The following SLAMF6 variants were observed in gnomAD, a reference collection of about 807,000 sequenced individuals.
SLAMF6 encodes SLAM family member 6.
A neutral mutation model predicts 38.3 loss-of-function variants in SLAMF6; 21 were observed. That is an observed-to-expected ratio of 0.55 (90% CI 0.39 to 0.79). The LOEUF is 0.79. SLAMF6 is among the 30% of genes least tolerant of loss of function. SLAMF6 has a pLI of 0.00. For missense variants in SLAMF6, 341 were observed against 385.3 expected (o/e 0.89, Z 0.96); for synonymous variants, 152 against 146.3 (o/e 1.04, Z -0.28).
intron 1 of SLAMF6, among the ~76,000 whole-genome samples, chr1:160,514,751 G>A (rs1261933073): frequency 6.6e-6 from 1 of 152,178 alleles, no homozygotes; most frequent in East Asian, 1.9e-4. Context: ...GCTCCTGCAT[G>A]ACTCCTGGTT....
chr1:160,502,654 G>C (rs1653973274), intron 1 of SLAMF6, among the ~76,000 whole-genome samples: 4 of 152,174 alleles, frequency 2.6e-5, no homozygotes, highest in Admixed American at 6.5e-5. Context: ...AGTATAAAGA[G>C]AGCAGTGTCT....
intron 1 of SLAMF6, among the ~76,000 whole-genome samples, chr1:160,503,810 G>A (rs1283970171): frequency 6.6e-6 from 1 of 151,968 alleles, no homozygotes; most frequent in Non-Finnish European, 1.5e-5. Context: ...CAAAAAAAGA[G>A]GCAACTTAAA....
intron 1 of SLAMF6, among the ~76,000 whole-genome samples, chr1:160,503,677 C>T (rs906547994): frequency 1.3e-5 from 2 of 151,976 alleles, no homozygotes; most frequent in Admixed American, 1.3e-4. Context: ...AGGGTCCATC[C>T]CTCCACAAAA....
rs1420330576 is a variant in SLAMF6 at position 160,490,295 on chromosome 1, C to T, written c.758-59G>A. On this transcript the variant is annotated intron_variant, in intron 4 of 7. Coordinates refer to ENST00000368057, the MANE Select transcript of SLAMF6 (RefSeq NM_001184714.2). ...ACAGCAGTGGGAGAGGCATTTCACC[C>T]CTAACCCCGTGAGTGTTGGGATGTG... 6 of 1,610,692 alleles carry T rather than the reference C, an allele frequency of 3.7e-6. No individual in the cohort carries two copies. In the African/African-American group the frequency reaches 5.3e-5, roughly 14 times the overall value.
intron 2 of SLAMF6, among the ~76,000 whole-genome samples, chr1:160,492,204 G>C (rs1653340164): frequency 6.6e-6 from 1 of 152,152 alleles, no homozygotes; most frequent in African/African-American, 2.4e-5. Context: ...ACTTAGCCTT[G>C]GCCTGAGGTT....
At chr1:160,490,789 A>T in intron 3 of SLAMF6, 104 bp from the exon 4 acceptor site, 1 of 1,490,848 alleles carries the variant, frequency 6.7e-7, no homozygotes, top group Non-Finnish European at 8.9e-7. Context: ...GGGACTAGGT[A>T]AGTTTGTCTA....
intron 6 of SLAMF6, 44 bp downstream of exon 6, chr1:160,489,044 C>G: frequency 1.3e-6 from 2 of 1,524,582 alleles, no homozygotes; most frequent in Non-Finnish European, 1.8e-6. Context: ...TGAACAATGG[C>G]TGTAAAACTG....
rs766924241 is a variant in SLAMF6, at chr1:160,486,778, G to C, written c.952-24C>G. Reference sequence around the variant, plus strand: ...CTCTGTGGGAAAAAGAGGAAGATGAGGTAGGTTAATTGGAACTGGAACCTC... The same window carrying C: ...CTCTGTGGGAAAAAGAGGAAGATGACGTAGGTTAATTGGAACTGGAACCTC... On this transcript the variant is annotated intron_variant, in intron 7 of 7. Transcript: ENST00000368057. 3 of 1,613,712 alleles carry C rather than the reference G, an allele frequency of 1.9e-6. No homozygotes were observed. In the Admixed American group the frequency reaches 5.0e-5, roughly 27 times the overall value.
At chr1:160,495,037 C>A (rs1287426578) in intron 2 of SLAMF6, among the ~76,000 whole-genome samples, 2 of 152,160 alleles carry the variant, frequency 1.3e-5, no homozygotes, top group African/African-American at 2.4e-5. Flanking sequence ...TCTTCAAGAA[C>A]ATGATTTTGA....
chr1:160,512,766 T>C (rs1181040361), intron 1 of SLAMF6, among the ~76,000 whole-genome samples: 3 of 152,034 alleles, frequency 2.0e-5, no homozygotes, highest in African/African-American at 7.3e-5. Context: ...GCAGCAGTCT[T>C]GCAAAAGAGG....
At chr1:160,510,617 C>A (rs1654423936) in intron 1 of SLAMF6, among the ~76,000 whole-genome samples, 1 of 151,910 alleles carries the variant, frequency 6.6e-6, no homozygotes, top group Admixed American at 6.6e-5. Context: ...TTATGAAAAC[C>A]CACAGCTAAC....
chr1:160,500,307 C>T (rs1238733341), intron 1 of SLAMF6, among the ~76,000 whole-genome samples: 4 of 152,320 alleles, frequency 2.6e-5, no homozygotes, highest in South Asian at 4.1e-4. Flanking sequence ...ATGATCTGGC[C>T]ATTTCTCTTT....
intron 2 of SLAMF6, among the ~76,000 whole-genome samples, chr1:160,492,441 C>T (rs973854058): frequency 1.3e-5 from 2 of 152,120 alleles, no homozygotes; most frequent in African/African-American, 4.8e-5. Context: ...TATATCCAAG[C>T]CTCAGTTTCC....
intron 4 of SLAMF6, 157 bp from the exon 5 acceptor site, chr1:160,490,393 C>G: frequency 1.2e-6 from 1 of 815,038 alleles, no homozygotes. Flanking sequence ...GGACATTTCT[C>G]TCAGGATATT....
intron 1 of SLAMF6, among the ~76,000 whole-genome samples, chr1:160,509,425 G>T (rs776097543): frequency 2.0e-5 from 3 of 151,316 alleles, no homozygotes; most frequent in African/African-American, 2.4e-5. Flanking sequence ...AACACCACAT[G>T]TTCTCATTCA....
rs769273096 is a variant in SLAMF6 at position 160,523,199 on chromosome 1, C to T, written c.-7G>A. 1.9e-6 allele frequency: 3 copies of T among 1,613,596 alleles called. No homozygotes were observed. Among genetic ancestry groups the T allele is most frequent in the African/African-American group, 1.3e-5 (1 of 74,998 alleles). On this transcript the variant is annotated 5_prime_UTR_variant, in exon 1 of 8. Coordinates refer to ENST00000368057, the MANE Select transcript of SLAMF6 (RefSeq NM_001184714.2). Reference sequence around the variant, plus strand: ...ATTGGAACAGCCACAACATGCTTTCCGCGGTGAAGACTGGTGCTTGAGACC... The same window carrying T: ...ATTGGAACAGCCACAACATGCTTTCTGCGGTGAAGACTGGTGCTTGAGACC...
intron 5 of SLAMF6, among the ~76,000 whole-genome samples, chr1:160,489,911 A>G (rs1172674329): frequency 6.6e-6 from 1 of 152,122 alleles, no homozygotes; most frequent in East Asian, 1.9e-4. Flanking sequence ...TTGCTGGGTG[A>G]CAAGGGATGA....
At position 160,517,445 on chromosome 1, in the gene SLAMF6, C is replaced by T. The variant is rs138274522; in HGVS notation, c.49+5699G>A. Among the ~76,000 whole-genome samples, 1,277 of 152,264 alleles carry T rather than the reference C, an allele frequency of 8.4e-3. 26 individuals carry two copies. The highest frequency in any genetic ancestry group is 0.03 in the African/African-American group (1,229 of 41,534). Reference sequence around the variant, plus strand: ...TCAACCATTGTGGAAGACAGTGTGGCAAATCCTCAAAGATCTAGAACCAGA... The same window carrying T: ...TCAACCATTGTGGAAGACAGTGTGGTAAATCCTCAAAGATCTAGAACCAGA... On this transcript the variant is annotated intron_variant, in intron 1 of 7. Transcript: ENST00000368057.
chr1:160,490,362 A>AGGGTCCTACTG (rs1362223022), intron 4 of SLAMF6, 126 bp from the exon 5 acceptor site: 8 of 1,463,866 alleles, frequency 5.5e-6, no homozygotes, highest in African/African-American at 2.8e-5. Flanking sequence ...GCCCTGAGAC[A>AGGGTCCTACTG]GGGTCCCACT....
Sources: allele counts gnomAD v4.1 joint callset (sites outside exome capture counted in the v4.1 genomes callset), GRCh38; gene constraint gnomAD v4.1.1; transcripts MANE v1.5; gene names NCBI Gene and HGNC (gene_info 2026-07-23, HGNC 2026-07-21).